The following LPP variants were observed in gnomAD, a reference collection of about 807,000 sequenced individuals.
LPP encodes lipoma-preferred partner.
In LPP, 38 loss-of-function variants were observed where a neutral mutation model predicts 60.4. The ratio of observed to expected loss-of-function variants is 0.63; its 90% CI spans 0.49 to 0.83. The LOEUF (loss-of-function observed/expected upper bound fraction) is 0.83. LPP is among the 40% of genes least tolerant of loss of function. LPP has a pLI of 0.00. For missense variants in LPP, 902 were observed against 783.6 expected, an observed-to-expected ratio of 1.15 and a Z score of -1.80; for synonymous variants, 328 against 290.8, an observed-to-expected ratio of 1.13 and a Z score of -1.30.
intron 1 of LPP, among the ~76,000 whole-genome samples, chr3:188,163,729 G>A (rs1347945375): frequency 6.6e-6 from 1 of 151,120 alleles, no homozygotes; most frequent in East Asian, 1.9e-4. Context: ...ATCACGTGAG[G>A]TCAGGAGTTT....
At chr3:188,709,214 G>A (rs911744817) in intron 8 of LPP, 1 of 152,120 alleles carries the variant, frequency 6.6e-6, no homozygotes, top group Non-Finnish European at 1.5e-5. Context: ...AGGTTCTGTG[G>A]ACGCATAACC....
chr3:188,738,993 T>A (rs1391588259), intron 8 of LPP, among the ~76,000 whole-genome samples: 1 of 152,080 alleles, frequency 6.6e-6, no homozygotes, highest in African/African-American at 2.4e-5. Context: ...GGGATCCACA[T>A]GGAGTACATA....
At chr3:188,184,402 C>A (rs764441983) in intron 1 of LPP, among the ~76,000 whole-genome samples, 2 of 152,194 alleles carry the variant, frequency 1.3e-5, no homozygotes, top group Non-Finnish European at 2.9e-5. Context: ...ATAAACTATC[C>A]AGTGCCAGGG....
intron 9 of LPP, among the ~76,000 whole-genome samples, chr3:188,852,273 C>T (rs545915897): frequency 3.3e-4 from 50 of 152,264 alleles, no homozygotes; most frequent in African/African-American, 1.0e-3. Context: ...GCTGCTTCTC[C>T]TTACACCTGG....
intron 5 of LPP, among the ~76,000 whole-genome samples, chr3:188,520,202 A>G (rs1818485804): frequency 6.6e-6 from 1 of 152,210 alleles, no homozygotes; most frequent in African/African-American, 2.4e-5. Context: ...TAAAAATAAC[A>G]TGTTCGAATG....
chr3:188,475,809 A>G (rs568974230), intron 4 of LPP, among the ~76,000 whole-genome samples: 1 of 152,310 alleles, frequency 6.6e-6, no homozygotes, highest in East Asian at 1.9e-4. Context: ...AGGCTGAGGC[A>G]GGAGAATGGC....
chr3:188,692,760 G>A (rs1186632878), intron 7 of LPP, among the ~76,000 whole-genome samples: 2 of 152,128 alleles, frequency 1.3e-5, no homozygotes, highest in East Asian at 3.9e-4. Context: ...ATCTCTTCAG[G>A]TATATGTAGT....
Position 188,837,246 on chromosome 3 carries a change from G to T in LPP, c.1411-28954G>T, listed in dbSNP as rs189220321. On this transcript the variant is annotated intron_variant, in intron 9 of 11. Coordinates refer to ENST00000617246, the MANE Select transcript of LPP (RefSeq NM_001375462.1). ...ATACAAAAATTAGCCAGGTGTGGTG[G>T]CTGGCGCCTGTGGTCCCAGCTACTC... 4.4e-3 allele frequency among the ~76,000 whole-genome samples: 669 copies of T among 152,000 alleles called. 11 individuals carry two copies. The highest frequency in any genetic ancestry group is 0.015 in the African/African-American group (602 of 41,444).
At chr3:188,860,383 T>A (rs1764892601) in intron 9 of LPP, among the ~76,000 whole-genome samples, 1 of 152,170 alleles carries the variant, frequency 6.6e-6, no homozygotes, top group Non-Finnish European at 1.5e-5. Flanking sequence ...TGGGAACACC[T>A]ACACTTGAGC....
chr3:188,656,971 C>A (rs1366667067), intron 7 of LPP, among the ~76,000 whole-genome samples: 1 of 152,062 alleles, frequency 6.6e-6, no homozygotes, highest in Non-Finnish European at 1.5e-5. Flanking sequence ...TTCTAGCTAA[C>A]CACTCATTCA....
intron 2 of LPP, among the ~76,000 whole-genome samples, chr3:188,280,142 A>G (rs1047634957): frequency 7.2e-5 from 11 of 152,188 alleles, no homozygotes; most frequent in Non-Finnish European, 1.3e-4. Flanking sequence ...CCTCCTAGAC[A>G]TGAGTGGGAT....
At chr3:188,209,883 A>G (rs1159942121) in intron 1 of LPP, among the ~76,000 whole-genome samples, 1 of 152,172 alleles carries the variant, frequency 6.6e-6, no homozygotes, top group Non-Finnish European at 1.5e-5. Context: ...ACACACTGGA[A>G]AAATCCAAAA....
chr3:188,186,716 A>G (rs1358679082), intron 1 of LPP, among the ~76,000 whole-genome samples: 4 of 152,152 alleles, frequency 2.6e-5, no homozygotes, highest in African/African-American at 4.8e-5. Context: ...TCCATTACCC[A>G]TAGTCAACCA....
At chr3:188,796,609 A>G (rs895096062) in intron 9 of LPP, among the ~76,000 whole-genome samples, 7 of 152,182 alleles carry the variant, frequency 4.6e-5, no homozygotes, top group African/African-American at 1.7e-4. Flanking sequence ...AGCTGAAAGT[A>G]AGATGAGCAC....
chr3:188,455,892 T>A (rs2030523), intron 4 of LPP, among the ~76,000 whole-genome samples: 13,737 of 151,730 alleles, frequency 0.091, 751 homozygotes, highest in East Asian at 0.25. Flanking sequence ...TAAAAAAAAA[T>A]TTTTTTATTT....
chr3:188,826,578 C>G (rs949505793), intron 9 of LPP, among the ~76,000 whole-genome samples: 3 of 152,166 alleles, frequency 2.0e-5, no homozygotes, highest in African/African-American at 7.2e-5. Context: ...CCTTCATCCT[C>G]CCTTAACATT....
At chr3:188,371,641 A>ATATATATATATTTT (rs1553878071) in intron 3 of LPP, among the ~76,000 whole-genome samples, 7 of 32,170 alleles carry the variant, frequency 2.2e-4, no homozygotes, top group African/African-American at 4.9e-4. Flanking sequence ...ATATATATAT[A>ATATATATATATTTT]TTTTTTTTTT....
chr3:188,769,108 TA>T (rs1382001273), intron 9 of LPP, among the ~76,000 whole-genome samples: 16 of 152,204 alleles, frequency 1.1e-4, no homozygotes, highest in South Asian at 1.0e-3. Flanking sequence ...ATAAAAAATA[TA>T]AAATATCTAG....
chr3:188,651,509 ATTAGTCCGTT>A (rs1172568500), intron 7 of LPP, among the ~76,000 whole-genome samples: 3 of 152,232 alleles, frequency 2.0e-5, no homozygotes, highest in African/African-American at 7.2e-5. Context: ...TGTTGTGTAT[ATTAGTCCGTT>A]TTCACGCTGC....
Sources: allele counts gnomAD v4.1 joint callset (sites outside exome capture counted in the v4.1 genomes callset), GRCh38; gene constraint gnomAD v4.1.1; transcripts MANE v1.5; gene names NCBI Gene and HGNC (gene_info 2026-07-23, HGNC 2026-07-21).